BCAS3: variants seen among roughly 807,000 people sequenced by gnomAD.
BCAS3 encodes BCAS3 microtubule associated cell migration factor, also known as BCAS4/BCAS3 fusion.
In BCAS3, 53 loss-of-function variants were observed where a neutral mutation model predicts 116.1. That is an observed-to-expected ratio of 0.46 (90% CI 0.37 to 0.57). BCAS3 has a LOEUF of 0.57. Ranked by LOEUF, BCAS3 falls within the 20% of genes least tolerant of loss-of-function variation. The pLI, the probability that BCAS3 is intolerant of heterozygous loss-of-function variation, is 0.00. For missense variants in BCAS3, 917 were observed against 1,165.4 expected, an observed-to-expected ratio of 0.79 and a Z score of 3.10; for synonymous variants, 391 against 408.2, an observed-to-expected ratio of 0.96 and a Z score of 0.51.
In BCAS3 at chr17:61,122,913, CTG is replaced by C. The variant is rs1487025433; in HGVS notation, c.2425+38352_2425+38353del. On this transcript the variant is annotated intron_variant, in intron 22 of 23. Coordinates refer to ENST00000407086, the MANE Select transcript of BCAS3 (RefSeq NM_017679.5). The surrounding 1 kb of genome is among the most constrained non-coding windows in gnomAD (Gnocchi z 4.6). The stretch of plus-strand genomic sequence containing the variant: ...GAAAACTTGACCCAAGAGATAAAGA[CTG>C]TGAAAGATTCCACATTATGGGTAAG... Among the ~76,000 whole-genome samples the C allele has an allele frequency of 1.3e-5, 2 of 150,762 alleles. No homozygotes were observed. Among genetic ancestry groups the C allele is most frequent in the Middle Eastern group, 3.5e-3 (1 of 286 alleles).
Position 61,265,738 on chromosome 17 carries a change from G to A in BCAS3, c.2426-102589G>A, listed in dbSNP as rs2049641264. Among the ~76,000 whole-genome samples, 1 of 151,920 alleles carries A rather than the reference G, an allele frequency of 6.6e-6. No homozygotes were observed. ...AGTATATCTGCCAGGGTTTGTGTGT[G>A]TCATACTGTCCTGGACTCTGTATAG... is the stretch of plus-strand genomic sequence containing the variant. On this transcript the variant is annotated intron_variant, in intron 22 of 23. Coordinates refer to ENST00000407086, the MANE Select transcript of BCAS3 (RefSeq NM_017679.5). The surrounding 1 kb of genome is among the most constrained non-coding windows in gnomAD (Gnocchi z 4.3).
intron 22 of BCAS3, among the ~76,000 whole-genome samples, chr17:61,303,425 G>C (rs2053604776): frequency 6.6e-6 from 1 of 152,236 alleles, no homozygotes; most frequent in South Asian, 2.1e-4. Context: ...CGAGCAATTA[G>C]TGCTGTAGGT....
At chr17:60,831,752 A>T (rs1228465296) in intron 7 of BCAS3, among the ~76,000 whole-genome samples, 1 of 150,664 alleles carries the variant, frequency 6.6e-6, no homozygotes. Flanking sequence ...TTTTTTTTTT[A>T]AATGACAAGC....
rs1431608929 is a variant in BCAS3 at position 61,029,861 on chromosome 17, T to C, written c.1638-4805T>C. The stretch of plus-strand genomic sequence containing the variant: ...TTCTCTTAAATATTTTAAAATTTTA[T>C]GATTTCATTTTTTGAAAGATACGAT... On this transcript the variant is annotated intron_variant, in intron 16 of 23. Coordinates refer to ENST00000407086, the MANE Select transcript of BCAS3 (RefSeq NM_017679.5). The surrounding 1 kb of genome is among the most constrained non-coding windows in gnomAD (Gnocchi z 5.2). Among the ~76,000 whole-genome samples, 3 of 152,034 alleles carry C rather than the reference T, an allele frequency of 2.0e-5. No individual in the cohort carries two copies. The highest frequency in any genetic ancestry group is 2.0e-4 in the Admixed American group (3 of 15,260).
At position 61,307,493 on chromosome 17, in the gene BCAS3, AC is replaced by A. The variant is rs1422578699; in HGVS notation, c.2426-60832del. 6.6e-6 allele frequency among the ~76,000 whole-genome samples: 1 copy of A among 152,190 alleles called. No individual in the cohort carries two copies. The highest frequency in any genetic ancestry group is 1.5e-5 in the Non-Finnish European group (1 of 68,018). ...TTGAATTAACTTTCACTAGCTTTTA[AC>A]CAACATGTAAGCACTCCCCTTTAAA... On this transcript the variant is annotated intron_variant, in intron 22 of 23. Coordinates refer to ENST00000407086, the MANE Select transcript of BCAS3 (RefSeq NM_017679.5). The surrounding 1 kb of genome is among the most constrained non-coding windows in gnomAD (Gnocchi z 4.7).
Position 61,038,040 on chromosome 17 carries a change from C to G in BCAS3, c.1914C>G (p.Ser638Arg). The G allele has an allele frequency of 6.2e-7, 1 of 1,613,956 alleles. No homozygotes were observed. Among genetic ancestry groups the G allele is most frequent in the Non-Finnish European group, 8.5e-7 (1 of 1,179,916 alleles). Residue 638 changes from serine (S) to arginine (R), a missense_variant, in exon 18 of 24, where the codon AGC (serine) becomes AGG (arginine). Ser to Arg is a moderately radical substitution (Grantham distance 110). This residue lies in a region of BCAS3 where 807 missense variants were observed against 1,026.0 expected (regional missense o/e 0.79). Transcript: ENST00000407086. ...AAATGATGACATCGCCTCGAGCCAG[C>G]TGGACTCTGGTTAGGTAGTACCTCT... ...PLEMMTSPRA[S>R]WTLVRTPQWN...
rs979487714 is a variant in BCAS3 at position 61,279,648 on chromosome 17, T to G, written c.2426-88679T>G. Among the ~76,000 whole-genome samples the G allele has an allele frequency of 7.2e-5, 11 of 152,064 alleles. No homozygotes were observed. The highest frequency in any genetic ancestry group is 7.4e-5 in the Non-Finnish European group (5 of 68,022). On this transcript the variant is annotated intron_variant, in intron 22 of 23. Coordinates refer to ENST00000407086, the MANE Select transcript of BCAS3 (RefSeq NM_017679.5). The surrounding 1 kb of genome is among the most constrained non-coding windows in gnomAD (Gnocchi z 4.4). ...TGGGATAAGCATATATTACATTCAG[T>G]CTTAATCCCTTGGAGGACACAGAGT...
intron 22 of BCAS3, among the ~76,000 whole-genome samples, chr17:61,193,069 C>A (rs1315037058): frequency 6.6e-6 from 1 of 152,118 alleles, no homozygotes; most frequent in Non-Finnish European, 1.5e-5. Context: ...CAAGACCACG[C>A]TGGCCAACGT....
rs903392424 is a variant in BCAS3 at position 60,956,513 on chromosome 17, T to C, written c.1221+9161T>C. ...GGATATTTTAAGCACTTAACACCTATTTTTGATACCTCTTTGTATTAAAGT... is the reference window on the plus strand; with the variant it reads ...GGATATTTTAAGCACTTAACACCTACTTTTGATACCTCTTTGTATTAAAGT... On this transcript the variant is annotated intron_variant, in intron 14 of 23. Transcript: ENST00000407086. The surrounding 1 kb of genome is among the most constrained non-coding windows in gnomAD (Gnocchi z 4.2). Among the ~76,000 whole-genome samples, 1 of 152,200 alleles carries C rather than the reference T, an allele frequency of 6.6e-6. No homozygotes were observed. Among genetic ancestry groups the C allele is most frequent in the Non-Finnish European group, 1.5e-5 (1 of 68,026 alleles).
In BCAS3 at chr17:61,116,436, TA is replaced by T. The variant is rs1474255440; in HGVS notation, c.2425+31874del. Among the ~76,000 whole-genome samples, 4 of 152,322 alleles carry T rather than the reference TA, an allele frequency of 2.6e-5. No homozygotes were observed. In the East Asian group the frequency reaches 7.7e-4, roughly 29 times the overall value. On this transcript the variant is annotated intron_variant, in intron 22 of 23. Coordinates refer to ENST00000407086, the MANE Select transcript of BCAS3 (RefSeq NM_017679.5). The stretch of plus-strand genomic sequence containing the variant: ...TATGTCCCTTTACCATCCTGATTTA[TA>T]ATATAATTATCTTAAACATTCTCTT...
intron 14 of BCAS3, among the ~76,000 whole-genome samples, chr17:60,952,184 G>A (rs567007411): frequency 6.6e-6 from 1 of 152,048 alleles, no homozygotes; most frequent in South Asian, 2.1e-4. Context: ...CCTGCTTTTT[G>A]TGTTCTTGTT....
At chr17:60,685,341 C>A (rs1371386491) in intron 3 of BCAS3, among the ~76,000 whole-genome samples, 1 of 150,266 alleles carries the variant, frequency 6.7e-6, no homozygotes, top group East Asian at 2.0e-4. Context: ...CCCAGCTACT[C>A]AGGAAGGCTG....
Position 61,088,071 on chromosome 17 carries a change from A to G in BCAS3, c.2425+3507A>G, listed in dbSNP as rs982823766. Among the ~76,000 whole-genome samples, 1 of 152,172 alleles carries G rather than the reference A, an allele frequency of 6.6e-6. No homozygotes were observed. The highest frequency in any genetic ancestry group is 2.4e-5 in the African/African-American group (1 of 41,438). On this transcript the variant is annotated intron_variant, in intron 22 of 23. Transcript: ENST00000407086. This position sits in a 1 kb window ranked among gnomAD's most constrained non-coding sequence, Gnocchi z 4.2. The stretch of plus-strand genomic sequence containing the variant: ...GTTTCACATGGCTGTAATCCCAGCT[A>G]CTCAGGAGGCTGAGGCACAAGAATT...
rs1311786391 is a variant in BCAS3 at position 61,326,044 on chromosome 17, G to C, written c.2426-42283G>C. The stretch of plus-strand genomic sequence containing the variant: ...AAATCTCTATAAATGCTAACTGTGT[G>C]TGCTATTAAATGCGCACTGCCCGGA... On this transcript the variant is annotated intron_variant, in intron 22 of 23. Transcript: ENST00000407086. This position sits in a 1 kb window ranked among gnomAD's most constrained non-coding sequence, Gnocchi z 5.3. Among the ~76,000 whole-genome samples, 2 of 152,216 alleles carry C rather than the reference G, an allele frequency of 1.3e-5. No individual in the cohort carries two copies. Among genetic ancestry groups the C allele is most frequent in the Non-Finnish European group, 2.9e-5 (2 of 68,040 alleles).
rs1166408079 is a variant in BCAS3, at chr17:61,347,331, C to A, written c.2426-20996C>A. On this transcript the variant is annotated intron_variant, in intron 22 of 23. Transcript: ENST00000407086. The surrounding 1 kb of genome is among the most constrained non-coding windows in gnomAD (Gnocchi z 4.3). ...TGCTGACCTCAGGTGATCCACCCACCTCAGCCTCCCAAAGTGCTGGGATTA... is the reference window on the plus strand; with the variant it reads ...TGCTGACCTCAGGTGATCCACCCACATCAGCCTCCCAAAGTGCTGGGATTA... Among the ~76,000 whole-genome samples the A allele has an allele frequency of 2.0e-5, 3 of 152,232 alleles. No homozygotes were observed. Among genetic ancestry groups the A allele is most frequent in the African/African-American group, 7.2e-5 (3 of 41,450 alleles).
chr17:60,946,068 GTA>G (rs1567934866), intron 13 of BCAS3, among the ~76,000 whole-genome samples: 249 of 151,900 alleles, frequency 1.6e-3, no homozygotes, highest in African/African-American at 5.5e-3. Flanking sequence ...TGCAGTGGGC[GTA>G]GATCGCGCCA....
chr17:60,733,561 T>TTGGGTG (rs2040673436), intron 5 of BCAS3, among the ~76,000 whole-genome samples: 1 of 152,120 alleles, frequency 6.6e-6, no homozygotes, highest in Non-Finnish European at 1.5e-5. Flanking sequence ...GGATGTTTGG[T>TTGGGTG]TGGGTGTGGT....
At chr17:61,075,195 T>C (rs1407353398) in intron 20 of BCAS3, among the ~76,000 whole-genome samples, 175 bp downstream of exon 20, 1 of 152,214 alleles carries the variant, frequency 6.6e-6, no homozygotes, top group Non-Finnish European at 1.5e-5. Flanking sequence ...GGTGTACATA[T>C]ACATATTATA....
At chr17:60,997,500 G>T (rs776598304) in intron 15 of BCAS3, among the ~76,000 whole-genome samples, 7 of 152,136 alleles carry the variant, frequency 4.6e-5, no homozygotes, top group Non-Finnish European at 1.0e-4. Flanking sequence ...ATGGGTGCAG[G>T]TATTGGAGCT....
Sources: gnomAD v4.1 joint callset for allele counts (sites outside exome capture counted in the v4.1 genomes callset) on GRCh38, gnomAD v4.1.1 for gene constraint, gnomAD v4.1.1 regional missense constraint, Gnocchi (gnomAD v3.1) non-coding constraint, MANE v1.5 for transcripts, NCBI Gene and HGNC (gene_info 2026-07-23, HGNC 2026-07-21) for gene names.